NRXN3: variants seen among roughly 807,000 people sequenced by gnomAD.
NRXN3 encodes the protein neurexin III.
Under a neutral mutation model 137.6 loss-of-function variants are expected in NRXN3, and 32 were observed. That is an observed-to-expected ratio of 0.23 (90% CI 0.18 to 0.31). The LOEUF is 0.31. Among genes scored for constraint, NRXN3 ranks in the 10% least tolerant of loss-of-function variants. NRXN3 has a pLI of 1.00. For missense variants in NRXN3, 1,574 were observed against 2,062.5 expected (o/e 0.76, Z 4.59); for synonymous variants, 798 against 784.5 (o/e 1.02, Z -0.29).
At chr14:78,612,819 G>A (rs1377110118) in intron 4 of NRXN3, among the ~76,000 whole-genome samples, 1 of 152,004 alleles carries the variant, frequency 6.6e-6, no homozygotes, top group Non-Finnish European at 1.5e-5. Flanking sequence ...TTTTAGCTGT[G>A]GAAACTCAAG....
chr14:79,765,637 A>T (rs1294981724), intron 19 of NRXN3, among the ~76,000 whole-genome samples: 1 of 152,216 alleles, frequency 6.6e-6, no homozygotes, highest in African/African-American at 2.4e-5. Flanking sequence ...CCTGTCTCTC[A>T]TTCACTATAA....
chr14:79,454,339 C>G (rs943291916), intron 15 of NRXN3, among the ~76,000 whole-genome samples: 6 of 152,096 alleles, frequency 3.9e-5, no homozygotes, highest in African/African-American at 1.4e-4. Context: ...GCCTAGGCCT[C>G]CCAAAGTGAT....
chr14:78,882,906 G>C (rs1215267406), intron 10 of NRXN3, among the ~76,000 whole-genome samples: 1 of 151,614 alleles, frequency 6.6e-6, no homozygotes, highest in Non-Finnish European at 1.5e-5. Context: ...CATGTGTTAT[G>C]GGAGGGACCC....
chr14:78,736,137 A>C (rs2098540228), intron 8 of NRXN3, among the ~76,000 whole-genome samples: 1 of 121,166 alleles, frequency 8.3e-6, no homozygotes, highest in Non-Finnish European at 2.0e-5. Context: ...ACATAGATCC[A>C]TGTATCTTAT....
At chr14:79,723,958 A>G (rs2154066258) in intron 19 of NRXN3, among the ~76,000 whole-genome samples, 1 of 152,124 alleles carries the variant, frequency 6.6e-6, no homozygotes, top group East Asian at 1.9e-4. Context: ...TAATAGACTA[A>G]CCCATTTCTC....
At position 78,842,946 on chromosome 14, in the gene NRXN3, G is replaced by C. The variant is rs1157690484; in HGVS notation, c.2275+32602G>C. On this transcript the variant is annotated intron_variant, in intron 10 of 20. Transcript: ENST00000335750. ...TCCTGTTCTTTTTTCAAGGTGCCCA[G>C]ATTTCATATTGTTCAAACACACATG... 2.0e-5 allele frequency among the ~76,000 whole-genome samples: 3 copies of C among 152,068 alleles called. No individual in the cohort carries two copies. The South Asian group carries it at 6.2e-4, about 31-fold the overall frequency.
At chr14:78,227,669 A>G (rs564393436) in intron 1 of NRXN3, among the ~76,000 whole-genome samples, 1 of 152,312 alleles carries the variant, frequency 6.6e-6, no homozygotes, top group South Asian at 2.1e-4. Flanking sequence ...ACCGAAGCAG[A>G]CGAGGCTGAA....
Position 78,269,297 on chromosome 14 carries a change from G to T in NRXN3, c.710-9348G>T, listed in dbSNP as rs191744301. Reference sequence around the variant, plus strand: ...AAAATTCTGACACATGCTACAACATGAATGAACCATGAGGACATTATGCTA... The same window carrying T: ...AAAATTCTGACACATGCTACAACATTAATGAACCATGAGGACATTATGCTA... On this transcript the variant is annotated intron_variant, in intron 2 of 20. Transcript: ENST00000335750. Among the ~76,000 whole-genome samples the T allele has an allele frequency of 2.2e-3, 337 of 152,258 alleles. 1 individual carries two copies. The highest frequency in any genetic ancestry group is 3.6e-3 in the Non-Finnish European group (242 of 68,014).
intron 16 of NRXN3, among the ~76,000 whole-genome samples, chr14:79,516,848 T>G (rs2096990804): frequency 2.0e-5 from 3 of 152,234 alleles, no homozygotes. Context: ...TTCTTTTTTT[T>G]TACAGCTCTG....
chr14:78,740,572 TA>T (rs1216414929), intron 8 of NRXN3, among the ~76,000 whole-genome samples: 1 of 151,394 alleles, frequency 6.6e-6, no homozygotes, highest in East Asian at 1.9e-4. Context: ...CATTAGCCAT[TA>T]ACCCTGCACC....
At chr14:78,594,052 G>A (rs34949059) in intron 4 of NRXN3, among the ~76,000 whole-genome samples, 6 of 152,080 alleles carry the variant, frequency 3.9e-5, no homozygotes, top group African/African-American at 1.2e-4. Flanking sequence ...CCCTCGGCAC[G>A]CAACAAGCGG....
chr14:78,828,675 A>G lies in NRXN3; in HGVS notation c.2275+18331A>G, dbSNP rs118040458. ...TGTAGAAATTATGTTTGGAAAGCAG[A>G]CTAGCTACCCAGAATTCCAAACAAT... On this transcript the variant is annotated intron_variant, in intron 10 of 20. Coordinates refer to ENST00000335750, the MANE Select transcript of NRXN3 (RefSeq NM_001330195.2). Among the ~76,000 whole-genome samples the G allele has an allele frequency of 5.4e-4, 82 of 152,328 alleles. No homozygotes were observed. The East Asian group carries it at 0.014, about 26-fold the overall frequency.
chr14:78,250,373 C>A (rs1596365278), intron 2 of NRXN3, among the ~76,000 whole-genome samples: 1 of 152,204 alleles, frequency 6.6e-6, no homozygotes, highest in African/African-American at 2.4e-5. Context: ...TGTGTAAGAA[C>A]AAACTGCACA....
At chr14:79,609,711 G>A (rs1271986902) in intron 16 of NRXN3, among the ~76,000 whole-genome samples, 1 of 152,082 alleles carries the variant, frequency 6.6e-6, no homozygotes, top group Non-Finnish European at 1.5e-5. Flanking sequence ...ATCACATATT[G>A]ATTGTACATA....
At chr14:79,783,630 A>G (rs2099120659) in intron 19 of NRXN3, among the ~76,000 whole-genome samples, 1 of 152,200 alleles carries the variant, frequency 6.6e-6, no homozygotes, top group African/African-American at 2.4e-5. Flanking sequence ...CACTCACTTT[A>G]ACAAGCTTTG....
In NRXN3 at chr14:79,641,303, C is replaced by T. The variant is rs1375728099; in HGVS notation, c.3445-22475C>T. ...GATTACAGGCATGAGCCACCGCGCT[C>T]GGCCTCTTCTTTACTATAGAGTAAA... On this transcript the variant is annotated intron_variant, in intron 16 of 20. Transcript: ENST00000335750. 1.5e-5 allele frequency among the ~76,000 whole-genome samples: 2 copies of T among 135,350 alleles called. 1 individual carries two copies. The highest frequency in any genetic ancestry group is 3.4e-5 in the Non-Finnish European group (2 of 58,306). 88.8% of individuals were successfully genotyped at this position (135,350 alleles called of 152,430 possible). A position where few individuals can be genotyped will look rare whatever the true frequency, so the allele number is the denominator to read the frequency against.
chr14:79,456,430 G>A (rs2096257654), intron 15 of NRXN3, among the ~76,000 whole-genome samples: 1 of 152,108 alleles, frequency 6.6e-6, no homozygotes, highest in Non-Finnish European at 1.5e-5. Flanking sequence ...TAAAAGTTGT[G>A]TATAAGAAAG....
chr14:79,162,114 T>G (rs1184847961), intron 15 of NRXN3, among the ~76,000 whole-genome samples: 2 of 151,766 alleles, frequency 1.3e-5, no homozygotes, highest in African/African-American at 2.4e-5. Flanking sequence ...TTTTGTTTTT[T>G]TTTTTTGTGG....
At chr14:79,387,992 T>A in intron 15 of NRXN3, among the ~76,000 whole-genome samples, 1 of 147,612 alleles carries the variant, frequency 6.8e-6, no homozygotes. Context: ...TTAGGAGATA[T>A]AGCTAATGTA....
Sources: allele counts gnomAD v4.1 joint callset (sites outside exome capture counted in the v4.1 genomes callset), GRCh38; gene constraint gnomAD v4.1.1; transcripts MANE v1.5; gene names NCBI Gene and HGNC (gene_info 2026-07-23, HGNC 2026-07-21).